The following SPINK9 variants were observed in gnomAD, a reference collection of about 807,000 sequenced individuals.
The protein encoded by SPINK9 is serine protease inhibitor Kazal-type 9.
SPINK9 carries 3 observed loss-of-function variants against 10.8 expected under a neutral mutation model. The ratio of observed to expected loss-of-function variants is 0.28; its 90% CI spans 0.13 to 0.72. SPINK9 has a LOEUF of 0.72. SPINK9 is among the 30% of genes least tolerant of loss of function. The pLI is 0.74. For synonymous variants in SPINK9, 30 were observed against 31.2 expected (o/e 0.96, Z 0.12); for missense variants, 101 against 103.2 (o/e 0.98, Z 0.09).
chr5:148,323,007 T>C (rs778441901), intron 1 of SPINK9, among the ~76,000 whole-genome samples: 2 of 152,176 alleles, frequency 1.3e-5, no homozygotes, highest in South Asian at 4.1e-4. Context: ...TAAAAATAGT[T>C]ATTGCTGTTC....
upstream of SPINK9, among the ~76,000 whole-genome samples, chr5:148,332,697 G>A (rs1400581302): frequency 6.6e-6 from 1 of 152,154 alleles, no homozygotes; most frequent in Non-Finnish European, 1.5e-5. Context: ...AAATACCATG[G>A]ACTATTCTAA....
intron 2 of SPINK9, 98 bp from the exon 3 acceptor site, chr5:148,338,380 C>A (rs1432209597): frequency 2.9e-6 from 3 of 1,040,452 alleles, no homozygotes; most frequent in Non-Finnish European, 4.1e-6. Flanking sequence ...TAATAAGAAA[C>A]ATGCATTGAG....
chr5:148,323,055 T>C (rs1757016717), intron 1 of SPINK9, among the ~76,000 whole-genome samples: 1 of 152,088 alleles, frequency 6.6e-6, no homozygotes, highest in South Asian at 2.1e-4. Context: ...ATATAGAAGA[T>C]ACAATTATGG....
At chr5:148,327,211 G>C (rs1408077864) in intron 2 of SPINK9, among the ~76,000 whole-genome samples, 2 of 152,194 alleles carry the variant, frequency 1.3e-5, no homozygotes, top group Non-Finnish European at 2.9e-5. Context: ...ATTCTAACTG[G>C]TGTGAGATGG....
chr5:148,327,442 T>C (rs1757079348), intron 2 of SPINK9, among the ~76,000 whole-genome samples: 2 of 152,094 alleles, frequency 1.3e-5, no homozygotes, highest in Non-Finnish European at 1.5e-5. Flanking sequence ...AAATTTTCTC[T>C]CATTCTGTAG....
intron 2 of SPINK9, among the ~76,000 whole-genome samples, chr5:148,328,141 A>T (rs973614761): frequency 1.3e-5 from 2 of 152,074 alleles, no homozygotes; most frequent in African/African-American, 2.4e-5. Context: ...TCCATGAGCA[A>T]GGAATGTTCT....
At chr5:148,334,950 G>T (rs533300582), upstream of SPINK9, among the ~76,000 whole-genome samples, 1 of 152,256 alleles carries the variant, frequency 6.6e-6, no homozygotes, top group Non-Finnish European at 1.5e-5. Flanking sequence ...GATTCCCAAA[G>T]TTTCAGCTCT....
upstream of SPINK9, among the ~76,000 whole-genome samples, chr5:148,330,878 C>A (rs965766729): frequency 1.3e-5 from 2 of 152,188 alleles, no homozygotes; most frequent in Admixed American, 1.3e-4. Context: ...GGCGTAGGAC[C>A]CTCCGAGCCA....
chr5:148,321,775 C>G (rs1383385513), intron 1 of SPINK9, among the ~76,000 whole-genome samples: 2 of 152,068 alleles, frequency 1.3e-5, no homozygotes, highest in African/African-American at 2.4e-5. Flanking sequence ...ATTACTTACC[C>G]ACAAAGAAAA....
At chr5:148,328,780 G>T (rs1432720979) in intron 2 of SPINK9, among the ~76,000 whole-genome samples, 1 of 152,074 alleles carries the variant, frequency 6.6e-6, no homozygotes, top group Non-Finnish European at 1.5e-5. Context: ...TTTGTCTTTG[G>T]TTCTGTTTAT....
chr5:148,337,485 C>T (rs1757232439), intron 2 of SPINK9, among the ~76,000 whole-genome samples: 2 of 152,232 alleles, frequency 1.3e-5, no homozygotes, highest in Admixed American at 6.5e-5. Context: ...ATATTCCAAG[C>T]TATTCAAGTA....
intron 1 of SPINK9, 126 bp downstream of exon 1, chr5:148,335,794 CTT>C: frequency 8.6e-7 from 1 of 1,158,362 alleles, no homozygotes; most frequent in South Asian, 1.4e-5. Flanking sequence ...TAAAATGAAT[CTT>C]TTGCCTCAAC....
chr5:148,326,875 GGT>G (rs1424638641), intron 2 of SPINK9, among the ~76,000 whole-genome samples: 1 of 151,958 alleles, frequency 6.6e-6, no homozygotes, highest in Non-Finnish European at 1.5e-5. Context: ...AGTATTCCAT[GGT>G]GTATATGTGC....
intron 2 of SPINK9, among the ~76,000 whole-genome samples, chr5:148,326,931 G>A (rs1451743181): frequency 6.6e-6 from 1 of 151,854 alleles, no homozygotes; most frequent in Non-Finnish European, 1.5e-5. Context: ...CATTTGGGTT[G>A]GTTCCAAGTC....
upstream of SPINK9, among the ~76,000 whole-genome samples, chr5:148,331,188 T>G (rs7730707): frequency 0.36 from 55,066 of 152,138 alleles, 11,064 homozygotes; most frequent in East Asian, 0.58. Context: ...CTCATGCTGG[T>G]AGATGTAGAC....
At chr5:148,331,216 G>A (rs551312742), upstream of SPINK9, among the ~76,000 whole-genome samples, 1 of 152,114 alleles carries the variant, frequency 6.6e-6, no homozygotes, top group African/African-American at 2.4e-5. Flanking sequence ...GTTCCTATTC[G>A]GCCATCTTGG....
chr5:148,331,473 T>C (rs1757149356), upstream of SPINK9, among the ~76,000 whole-genome samples: 1 of 152,094 alleles, frequency 6.6e-6, no homozygotes. Context: ...AAGCTATGGG[T>C]CGGGAAGTGG....
chr5:148,336,949 T>C (rs1757225358), intron 2 of SPINK9, among the ~76,000 whole-genome samples: 2 of 152,214 alleles, frequency 1.3e-5, no homozygotes, highest in African/African-American at 4.8e-5. Context: ...AAAAATCTTA[T>C]TTGGTACTCA....
Position 148,339,695 on chromosome 5 carries a change from C to T in SPINK9, c.244C>T (p.His82Tyr), listed in dbSNP as rs898897044. Residue 82 changes from histidine to tyrosine, a missense_variant, in exon 4 of 4, where the codon CAT becomes TAT. Physicochemically the swap from His to Tyr is moderately conservative, Grantham distance 83. Transcript: ENST00000377906. ...KKTDGTLKFVHFGKC is the reference protein window; with the variant it reads ...KKTDGTLKFVYFGKC ...AACTGACGGCACACTTAAATTTGTACATTTTGGAAAATGTTAAATCTATCT... is the reference window on the plus strand; with the variant it reads ...AACTGACGGCACACTTAAATTTGTATATTTTGGAAAATGTTAAATCTATCT... The T allele has an allele frequency of 1.2e-6, 2 of 1,612,416 alleles. No homozygotes were observed. The highest frequency in any genetic ancestry group is 2.7e-5 in the African/African-American group (2 of 74,846).
Sources: gnomAD v4.1 joint callset for allele counts (sites outside exome capture counted in the v4.1 genomes callset) on GRCh38, gnomAD v4.1.1 for gene constraint, MANE v1.5 for transcripts, NCBI Gene and HGNC (gene_info 2026-07-23, HGNC 2026-07-21) for gene names.